NUP210: variants seen among roughly 807,000 people sequenced by gnomAD.
NUP210 encodes nucleoporin 210.
In NUP210, 151 loss-of-function variants were observed where a neutral mutation model predicts 196.0. The ratio of observed to expected loss-of-function variants is 0.77; its 90% CI spans 0.67 to 0.88. NUP210 has a LOEUF of 0.88. Among genes scored for constraint, NUP210 ranks in the 40% least tolerant of loss-of-function variants. NUP210 has a pLI of 0.00. For missense variants in NUP210, 2,314 were observed against 2,493.7 expected (o/e 0.93, Z 1.53); for synonymous variants, 1,070 against 1,052.7 (o/e 1.02, Z -0.32).
intron 5 of NUP210, among the ~76,000 whole-genome samples, chr3:13,386,763 C>T (rs776559720): frequency 6.6e-6 from 1 of 152,136 alleles, no homozygotes; most frequent in Admixed American, 6.5e-5. Context: ...CACACAAAAG[C>T]CCAAGGTCCA....
intron 2 of NUP210, 96 bp from the exon 3 acceptor site, chr3:13,397,584 G>A (rs757084541): frequency 3.0e-4 from 398 of 1,338,786 alleles, no homozygotes; most frequent in Middle Eastern, 1.3e-3. Flanking sequence ...CAAAGACCAC[G>A]GCAACCACCA....
intron 1 of NUP210, among the ~76,000 whole-genome samples, chr3:13,413,499 A>G (rs1012227185): frequency 4.6e-5 from 7 of 152,004 alleles, no homozygotes; most frequent in Non-Finnish European, 8.8e-5. Flanking sequence ...CAAAAAAGGA[A>G]ACCTTACACA....
chr3:13,366,287 C>A (rs1347476134), intron 13 of NUP210, among the ~76,000 whole-genome samples, 196 bp from the exon 14 acceptor site: 1 of 152,084 alleles, frequency 6.6e-6, no homozygotes. Flanking sequence ...GACCACTACA[C>A]CCGGCTAATT....
In NUP210 at chr3:13,339,850, T is replaced by C. The variant is rs1166393388; in HGVS notation, c.3471+4A>G. The C allele has an allele frequency of 1.2e-5, 20 of 1,611,190 alleles. No homozygotes were observed. Among genetic ancestry groups the C allele is most frequent in the Non-Finnish European group, 1.7e-5 (20 of 1,178,556 alleles). ...TGCCCAGTCTCCAATAGCACGCCTG[T>C]TACCTGAGAGATGATGACCACCTTG... is the stretch of plus-strand genomic sequence containing the variant. On this transcript the variant is annotated splice_donor_region_variant and intron_variant, in intron 25 of 39. Coordinates refer to ENST00000254508, the MANE Select transcript of NUP210 (RefSeq NM_024923.4).
rs192457973 is a variant in NUP210 at position 13,376,087 on chromosome 3, C to T, written c.1293+204G>A. Among the ~76,000 whole-genome samples, 11 of 152,304 alleles carry T rather than the reference C, an allele frequency of 7.2e-5. No homozygotes were observed. The East Asian group carries it at 1.9e-3, about 27-fold the overall frequency. On this transcript the variant is annotated intron_variant, in intron 10 of 39. Coordinates refer to ENST00000254508, the MANE Select transcript of NUP210 (RefSeq NM_024923.4). ...AATGGGAACACCCAGGCCGATTTTCCAATCAGCAAAGCTCTGCTCCCTAAG... is the reference window on the plus strand; with the variant it reads ...AATGGGAACACCCAGGCCGATTTTCTAATCAGCAAAGCTCTGCTCCCTAAG...
intron 1 of NUP210, among the ~76,000 whole-genome samples, chr3:13,413,796 ACTT>A (rs1235884701): frequency 2.0e-5 from 3 of 152,152 alleles, no homozygotes; most frequent in African/African-American, 7.2e-5. Flanking sequence ...TTGTGAACGT[ACTT>A]CATGCCACAG....
chr3:13,346,972 A>G, intron 20 of NUP210: 1 of 979,192 alleles, frequency 1.0e-6, no homozygotes, highest in Non-Finnish European at 1.2e-6. Flanking sequence ...CCCAAGGGCG[A>G]GGACTGGGGA....
chr3:13,324,698 C>T (rs1333065129), intron 33 of NUP210, among the ~76,000 whole-genome samples: 1 of 152,202 alleles, frequency 6.6e-6, no homozygotes, highest in Non-Finnish European at 1.5e-5. Context: ...TACCCTGTAG[C>T]GACTGCTCTC....
rs1158080592 is a variant in NUP210 at position 13,379,272 on chromosome 3, C to T, written c.976+291G>A. On this transcript the variant is annotated intron_variant, in intron 7 of 39. Transcript: ENST00000254508. This position sits in a 1 kb window ranked among gnomAD's most constrained non-coding sequence, Gnocchi z 4.2. ...CTCCATTATGCTAGTATGGAAACAG[C>T]CCCCGCCAGGCCCCCTCTGAGAAGG... 6.6e-6 allele frequency among the ~76,000 whole-genome samples: 1 copy of T among 152,132 alleles called. No individual in the cohort carries two copies. Among genetic ancestry groups the T allele is most frequent in the East Asian group, 1.9e-4 (1 of 5,186 alleles).
intron 8 of NUP210, among the ~76,000 whole-genome samples, chr3:13,377,853 A>T (rs1474736174): frequency 7.5e-6 from 1 of 133,008 alleles, no homozygotes; most frequent in Non-Finnish European, 1.6e-5. Context: ...CAGGCCCCAC[A>T]CCACCCACCT....
intron 13 of NUP210, among the ~76,000 whole-genome samples, chr3:13,367,954 C>T (rs546105802): frequency 2.2e-4 from 33 of 152,308 alleles, no homozygotes; most frequent in African/African-American, 2.4e-4. Flanking sequence ...GGCTGCAGGG[C>T]GTGCATGTGT....
chr3:13,335,798 T>A (rs933460226), intron 27 of NUP210, among the ~76,000 whole-genome samples, 186 bp from the exon 28 acceptor site: 6 of 152,238 alleles, frequency 3.9e-5, no homozygotes, highest in Non-Finnish European at 8.8e-5. Flanking sequence ...CAGACCCGGC[T>A]TCCCCAGCAT....
At chr3:13,352,708 C>A (rs1192234164) in intron 18 of NUP210, among the ~76,000 whole-genome samples, 1 of 152,218 alleles carries the variant, frequency 6.6e-6, no homozygotes. Context: ...CGTGTTTGAG[C>A]ACCTCCTCAG....
At chr3:13,319,598 A>G (rs1431166057) in intron 37 of NUP210, among the ~76,000 whole-genome samples, 165 bp downstream of exon 37, 14 of 152,166 alleles carry the variant, frequency 9.2e-5, no homozygotes, top group Admixed American at 9.2e-4. Context: ...CTGGGCAACT[A>G]AAGCCTGCAT....
At chr3:13,388,520 C>T in intron 4 of NUP210, 67 bp from the exon 5 acceptor site, 1 of 1,495,854 alleles carries the variant, frequency 6.7e-7, no homozygotes, top group Non-Finnish European at 9.0e-7. Context: ...CAGAATCTAC[C>T]ACAGCATTCC....
At chr3:13,412,798 C>T (rs1354590228) in intron 1 of NUP210, among the ~76,000 whole-genome samples, 4 of 151,666 alleles carry the variant, frequency 2.6e-5, no homozygotes, top group African/African-American at 9.7e-5. Context: ...GGTGAAACCC[C>T]GTCTCTACTA....
intron 25 of NUP210, among the ~76,000 whole-genome samples, chr3:13,338,811 C>T (rs1559314926): frequency 1.3e-5 from 2 of 152,174 alleles, no homozygotes; most frequent in African/African-American, 4.8e-5. Flanking sequence ...GGCCTTTCCC[C>T]AGCACCTCCC....
intron 5 of NUP210, among the ~76,000 whole-genome samples, chr3:13,388,003 G>A (rs1407731742): frequency 2.6e-5 from 4 of 151,988 alleles, no homozygotes; most frequent in Admixed American, 2.6e-4. Flanking sequence ...GGCACCAGTT[G>A]GAAACAGGTG....
chr3:13,403,394 A>G (rs1316503008), intron 1 of NUP210, among the ~76,000 whole-genome samples: 1 of 152,088 alleles, frequency 6.6e-6, no homozygotes, highest in African/African-American at 2.4e-5. Flanking sequence ...GGCCTTTTGT[A>G]TAAGGGCACT....
Sources: allele counts gnomAD v4.1 joint callset (sites outside exome capture counted in the v4.1 genomes callset), GRCh38; gene constraint gnomAD v4.1.1; non-coding constraint Gnocchi (gnomAD v3.1); transcripts MANE v1.5; gene names NCBI Gene and HGNC (gene_info 2026-07-23, HGNC 2026-07-21).